ANAPC7: variants seen among roughly 807,000 people sequenced by gnomAD.
The protein encoded by ANAPC7 is anaphase-promoting complex subunit 7.
ANAPC7 carries 25 observed loss-of-function variants against 63.3 expected under a neutral mutation model. The ratio of observed to expected loss-of-function variants is 0.39; its 90% confidence interval spans 0.29 to 0.55. The LOEUF is 0.55. Ranked by LOEUF, ANAPC7 falls within the 20% of genes least tolerant of loss-of-function variation. The pLI, the probability that ANAPC7 is intolerant of heterozygous loss-of-function variation, is 0.57. For missense variants in ANAPC7, 516 were observed against 691.7 expected (o/e 0.75, Z 2.85); for synonymous variants, 241 against 251.7 (o/e 0.96, Z 0.40).
chr12:110,400,230 A>G (rs1354930464), intron 1 of ANAPC7, among the ~76,000 whole-genome samples: 1 of 152,242 alleles, frequency 6.6e-6, no homozygotes, highest in African/African-American at 2.4e-5. Context: ...ATCCACAGAA[A>G]GCATTCAGAT....
chr12:110,400,786 C>T (rs547616991), intron 1 of ANAPC7, among the ~76,000 whole-genome samples: 6 of 151,766 alleles, frequency 4.0e-5, no homozygotes, highest in Non-Finnish European at 8.8e-5. Context: ...TGGCTCACGC[C>T]TGCAATCCAA....
At chr12:110,390,080 T>A (rs2137964424) in intron 3 of ANAPC7, among the ~76,000 whole-genome samples, 1 of 152,262 alleles carries the variant, frequency 6.6e-6, no homozygotes, top group East Asian at 1.9e-4. Flanking sequence ...TTAGATTTTT[T>A]TTTTTGAGAC....
intron 9 of ANAPC7, among the ~76,000 whole-genome samples, chr12:110,376,440 G>C (rs1451991541): frequency 1.3e-5 from 2 of 151,432 alleles, no homozygotes; most frequent in East Asian, 3.9e-4. Context: ...TTGGTGGCAG[G>C]TGCCTGTAGT....
intron 5 of ANAPC7, chr12:110,387,483 C>G (rs1474753933): frequency 4.3e-6 from 1 of 234,370 alleles, no homozygotes; most frequent in Non-Finnish European, 8.1e-6. Flanking sequence ...AGGTAGCCTG[C>G]TTTGCTTTGC....
chr12:110,392,149 T>C (rs923814009), intron 3 of ANAPC7, among the ~76,000 whole-genome samples: 1 of 150,552 alleles, frequency 6.6e-6, no homozygotes, highest in Non-Finnish European at 1.5e-5. Context: ...CCTTGAGCAT[T>C]GCAGCAGACA....
chr12:110,400,470 T>C (rs533932787), intron 1 of ANAPC7, among the ~76,000 whole-genome samples: 2 of 152,130 alleles, frequency 1.3e-5, no homozygotes, highest in Non-Finnish European at 2.9e-5. Flanking sequence ...CTTAAACATG[T>C]CCTGAAGCTA....
At chr12:110,380,910 C>T (rs1881775079) in intron 8 of ANAPC7, among the ~76,000 whole-genome samples, 1 of 151,808 alleles carries the variant, frequency 6.6e-6, no homozygotes. Flanking sequence ...TGCACTCCAG[C>T]CTGGGCAACA....
At chr12:110,390,084 T>C (rs1490395828) in intron 3 of ANAPC7, among the ~76,000 whole-genome samples, 1 of 152,112 alleles carries the variant, frequency 6.6e-6, no homozygotes, top group African/African-American at 2.4e-5. Flanking sequence ...ATTTTTTTTT[T>C]TGAGACGGAG....
At chr12:110,397,557 CA>C (rs536665095) in intron 1 of ANAPC7, among the ~76,000 whole-genome samples, 137 of 98,326 alleles carry the variant, frequency 1.4e-3, no homozygotes, top group Admixed American at 2.5e-3. Context: ...GATCTCGTCT[CA>C]AAAAAAAAAA....
chr12:110,388,512 C>G lies in ANAPC7; in HGVS notation c.520G>C (p.Gly174Arg). ...QCPLALDAIL[G>R]LLSLSVKGAE... ...GAAAACAGGCAGGAAATATCTCTAC[C>G]TAGAATGGCATCAAGGGCTAATGGG... The change falls in exon 4 of 11, where the codon GGC (glycine) becomes CGC (arginine). Residue 174 changes from glycine (G) to arginine (R), a missense_variant and splice_region_variant. Gly to Arg is a moderately radical substitution (Grantham distance 125, BLOSUM62 -2). Transcript: ENST00000455511. 6.2e-7 allele frequency: 1 copy of G among 1,611,150 alleles called. No individual in the cohort carries two copies. Among genetic ancestry groups the G allele is most frequent in the Non-Finnish European group, 8.5e-7 (1 of 1,177,390 alleles).
chr12:110,400,884 T>C (rs1021900346), intron 1 of ANAPC7, among the ~76,000 whole-genome samples: 1 of 137,026 alleles, frequency 7.3e-6, no homozygotes, highest in Admixed American at 7.3e-5. Context: ...CCATCTCTAT[T>C]AAAAAAAAAA....
chr12:110,385,286 C>T (rs958122942), intron 6 of ANAPC7, among the ~76,000 whole-genome samples: 6 of 152,216 alleles, frequency 3.9e-5, no homozygotes, highest in Non-Finnish European at 1.5e-5. Flanking sequence ...AATAAAAAAT[C>T]ACTGCCTCTC....
chr12:110,401,751 C>T (rs28692795), intron 1 of ANAPC7, among the ~76,000 whole-genome samples: 2 of 151,628 alleles, frequency 1.3e-5, no homozygotes, highest in Non-Finnish European at 2.9e-5. Flanking sequence ...TTTGGGAGGC[C>T]GAGGCGGGCG....
intron 6 of ANAPC7, chr12:110,383,225 T>G (rs1882109642): frequency 9.4e-6 from 3 of 318,314 alleles, no homozygotes; most frequent in Non-Finnish European, 1.8e-5. Context: ...GATCACGAGG[T>G]CAGGAGATCG....
In ANAPC7 at chr12:110,373,902, T is replaced by A. The variant is rs1881022834; in HGVS notation, c.*242A>T. On this transcript the variant is annotated 3_prime_UTR_variant, in exon 11 of 11. Coordinates refer to ENST00000455511, the MANE Select transcript of ANAPC7 (RefSeq NM_016238.3). ...AGAAGCCCCAACATGTGCGTGGGTC[T>A]CGGGGCACTCCCTCAGTCCTCCCTG... The A allele has an allele frequency of 2.3e-6, 1 of 435,466 alleles. No homozygotes were observed. The highest frequency in any genetic ancestry group is 4.0e-6 in the Non-Finnish European group (1 of 250,470). 27.0% of individuals were successfully genotyped at this position (435,466 alleles called of 1,614,324 possible). A position where few individuals can be genotyped will look rare whatever the true frequency, so the allele number is the denominator to read the frequency against.
At chr12:110,387,393 G>GAGAGAGAGAGAC (rs1882686617) in intron 5 of ANAPC7, 1 of 87,980 alleles carries the variant, frequency 1.1e-5, no homozygotes, top group Non-Finnish European at 2.4e-5. Flanking sequence ...CAGAGAGAGA[G>GAGAGAGAGAGAC]AGAGAGAGAG....
At chr12:110,383,093 T>A (rs895639917) in intron 6 of ANAPC7, 133 bp from the exon 7 acceptor site, 2 of 604,804 alleles carry the variant, frequency 3.3e-6, no homozygotes, top group African/African-American at 3.7e-5. Flanking sequence ...CTTTCCACCA[T>A]CACAGGCTCC....
chr12:110,377,553 A>C lies in ANAPC7; in HGVS notation c.1197T>G (p.Val399=). The C allele has an allele frequency of 6.2e-7, 1 of 1,614,164 alleles. No individual in the cohort carries two copies. The highest frequency in any genetic ancestry group is 8.5e-7 in the Non-Finnish European group (1 of 1,180,028). The change falls in exon 9 of 11, where the codon GTT becomes GTG. Residue 399 remains valine (V), a synonymous_variant. Transcript: ENST00000455511. Reference sequence around the variant, plus strand: ...GTGCATTTGCTCCCAGAGTTTTGTAAACGTTGTTAGCCATTACCATTGCTT... The same window carrying C: ...GTGCATTTGCTCCCAGAGTTTTGTACACGTTGTTAGCCATTACCATTGCTT... The part of the protein sequence containing the change: ...IREAMVMANN[V]YKTLGANAQT...
intron 10 of ANAPC7, 48 bp downstream of exon 10, chr12:110,376,018 T>C: frequency 6.5e-7 from 1 of 1,546,664 alleles, no homozygotes; most frequent in Non-Finnish European, 8.8e-7. Flanking sequence ...GCTCACTGCC[T>C]CCTCTACCCT....
Sources: gnomAD v4.1 joint callset for allele counts (sites outside exome capture counted in the v4.1 genomes callset) on GRCh38, gnomAD v4.1.1 for gene constraint, MANE v1.5 for transcripts, NCBI Gene and HGNC (gene_info 2026-07-23, HGNC 2026-07-21) for gene names.